The following DOK6 variants were observed in gnomAD, a reference collection of about 807,000 sequenced individuals.
DOK6 encodes downstream of tyrosine kinase 6.
DOK6 carries 22 observed loss-of-function variants against 44.0 expected under a neutral mutation model. The observed-to-expected ratio is 0.50, with a 90% CI of 0.36 to 0.71. The LOEUF (loss-of-function observed/expected upper bound fraction) is 0.71. Ranked by LOEUF, DOK6 falls within the 30% of genes least tolerant of loss-of-function variation. DOK6 has a pLI of 0.00. For synonymous variants in DOK6, 166 were observed against 145.5 expected, an observed-to-expected ratio of 1.14 and a Z score of -1.01; for missense variants, 340 against 416.4, an observed-to-expected ratio of 0.82 and a Z score of 1.60.
At chr18:69,455,585 G>A (rs1219750968) in intron 1 of DOK6, among the ~76,000 whole-genome samples, 1 of 152,144 alleles carries the variant, frequency 6.6e-6, no homozygotes, top group African/African-American at 2.4e-5. Context: ...TTGAAATTGT[G>A]TGGAGTCACA....
chr18:69,446,658 T>A (rs1375532482), intron 1 of DOK6, among the ~76,000 whole-genome samples: 1 of 152,174 alleles, frequency 6.6e-6, no homozygotes. Flanking sequence ...GTTGAACTAG[T>A]TTACAGTCCC....
intron 5 of DOK6, among the ~76,000 whole-genome samples, chr18:69,718,181 T>G (rs1285748195): frequency 2.6e-5 from 4 of 152,192 alleles, no homozygotes; most frequent in Non-Finnish European, 4.4e-5. Flanking sequence ...TTCTTGCATT[T>G]GAAATTCCCT....
intron 5 of DOK6, among the ~76,000 whole-genome samples, chr18:69,720,268 A>G (rs983020419): frequency 2.3e-4 from 35 of 152,146 alleles, no homozygotes; most frequent in African/African-American, 7.5e-4. Context: ...CCAACTTTCA[A>G]CTCATTACCT....
chr18:69,841,200 T>C, intron 7 of DOK6, 44 bp from the exon 8 acceptor site: 1 of 1,611,806 alleles, frequency 6.2e-7, no homozygotes, highest in Non-Finnish European at 8.5e-7. Flanking sequence ...CTTTTGTGCT[T>C]CTGAATCTGT....
intron 1 of DOK6, among the ~76,000 whole-genome samples, chr18:69,430,834 C>T (rs1055647589): frequency 7.2e-5 from 11 of 152,018 alleles, no homozygotes; most frequent in South Asian, 2.1e-4. Flanking sequence ...GGCGTGGTGG[C>T]GGGTGCCTGT....
chr18:69,442,017 G>C (rs777171453), intron 1 of DOK6, among the ~76,000 whole-genome samples: 55 of 152,160 alleles, frequency 3.6e-4, no homozygotes, highest in Non-Finnish European at 6.9e-4. Context: ...TGCAGAGATA[G>C]AGGTAAGAGA....
chr18:69,746,418 T>C (rs1036490680), intron 6 of DOK6, among the ~76,000 whole-genome samples: 2 of 152,120 alleles, frequency 1.3e-5, no homozygotes, highest in African/African-American at 4.8e-5. Flanking sequence ...CCGTCACGCC[T>C]GGCTAATTTT....
chr18:69,559,553 G>GT (rs1982775789), intron 1 of DOK6, among the ~76,000 whole-genome samples: 1 of 152,048 alleles, frequency 6.6e-6, no homozygotes, highest in Non-Finnish European at 1.5e-5. Context: ...TTAGATTCAT[G>GT]TAACTGTTTT....
chr18:69,513,363 C>T (rs923649630), intron 1 of DOK6, among the ~76,000 whole-genome samples: 22 of 152,304 alleles, frequency 1.4e-4, no homozygotes, highest in African/African-American at 4.6e-4. Flanking sequence ...TGCGTGGGTG[C>T]GCACACACAT....
intron 3 of DOK6, among the ~76,000 whole-genome samples, chr18:69,629,443 G>A (rs934827485): frequency 9.2e-5 from 14 of 152,054 alleles, no homozygotes; most frequent in African/African-American, 3.4e-4. Flanking sequence ...TTAAAAGAGC[G>A]GCATTCTGAC....
intron 5 of DOK6, among the ~76,000 whole-genome samples, chr18:69,725,492 A>ATGT (rs1245889371): frequency 6.6e-6 from 1 of 152,082 alleles, no homozygotes; most frequent in Non-Finnish European, 1.5e-5. Context: ...TTAATTTTTA[A>ATGT]ATATGTATTT....
chr18:69,687,201 A>C (rs954593065), intron 4 of DOK6, among the ~76,000 whole-genome samples: 3 of 152,228 alleles, frequency 2.0e-5, no homozygotes, highest in African/African-American at 7.2e-5. Flanking sequence ...AATATTATAC[A>C]AAAAAGATAA....
At chr18:69,576,928 T>C (rs1983252519) in intron 2 of DOK6, among the ~76,000 whole-genome samples, 1 of 152,060 alleles carries the variant, frequency 6.6e-6, no homozygotes, top group Admixed American at 6.6e-5. Flanking sequence ...GGGAGGAAAA[T>C]ATAAATAAAA....
intron 1 of DOK6, among the ~76,000 whole-genome samples, chr18:69,531,284 GTTATATA>G (rs889982047): frequency 6.9e-6 from 1 of 145,178 alleles, no homozygotes; most frequent in Non-Finnish European, 1.5e-5. Context: ...TATATTATAT[GTTATATA>G]TTATATATAT....
chr18:69,472,303 C>CAAT (rs1252064621), intron 1 of DOK6, among the ~76,000 whole-genome samples: 2 of 152,172 alleles, frequency 1.3e-5, no homozygotes, highest in African/African-American at 4.8e-5. Context: ...ACTGCGCACA[C>CAAT]AATGAGGTTC....
chr18:69,429,353 A>G (rs564621847), intron 1 of DOK6, among the ~76,000 whole-genome samples: 168 of 152,072 alleles, frequency 1.1e-3, no homozygotes, highest in African/African-American at 3.9e-3. Flanking sequence ...TTAACTGCAC[A>G]CTAAAATGAT....
chr18:69,845,478 A>G lies in DOK6; in HGVS notation c.*4095A>G, dbSNP rs868729016. On this transcript the variant is annotated 3_prime_UTR_variant, in exon 8 of 8. Transcript: ENST00000382713. ...TGCCACTGAATATGCATTAATAGCT[A>G]TAACAATGGGTGACATGCCACACAA... The G allele has an allele frequency of 2.6e-5, 4 of 152,208 alleles. No individual in the cohort carries two copies. The highest frequency in any genetic ancestry group is 7.2e-5 in the African/African-American group (3 of 41,450). 9.4% of individuals were successfully genotyped at this position (152,208 alleles called of 1,614,324 possible).
intron 7 of DOK6, among the ~76,000 whole-genome samples, chr18:69,817,905 T>A (rs566396957): frequency 3.0e-4 from 46 of 152,306 alleles, no homozygotes; most frequent in African/African-American, 1.0e-3. Flanking sequence ...CAATTATGGA[T>A]TTTATTTCTA....
chr18:69,808,714 A>G (rs1035636799), intron 7 of DOK6, among the ~76,000 whole-genome samples: 1 of 151,848 alleles, frequency 6.6e-6, no homozygotes, highest in South Asian at 2.1e-4. Context: ...TCCTAAACAT[A>G]TACAATCTAT....
Sources: allele counts gnomAD v4.1 joint callset (sites outside exome capture counted in the v4.1 genomes callset), GRCh38; gene constraint gnomAD v4.1.1; transcripts MANE v1.5; gene names NCBI Gene and HGNC (gene_info 2026-07-23, HGNC 2026-07-21).